The following DEPDC1B variants were observed in gnomAD, a reference collection of about 807,000 sequenced individuals.
The protein encoded by DEPDC1B is DEP domain-containing protein 1B.
A neutral mutation model predicts 66.5 loss-of-function variants in DEPDC1B; 51 were observed. The ratio of observed to expected loss-of-function variants is 0.77; its 90% CI spans 0.61 to 0.97. The LOEUF is 0.97. Among genes scored for constraint, DEPDC1B ranks in the 50% least tolerant of loss-of-function variants. The pLI is 0.00. For synonymous variants in DEPDC1B, 226 were observed against 223.6 expected (o/e 1.01, Z -0.10); for missense variants, 552 against 637.1 (o/e 0.87, Z 1.44).
rs533036033 is a variant in DEPDC1B, at chr5:60,694,269, C to T, written c.48+5777G>A. Reference sequence around the variant, plus strand: ...TGTTATCCTAAAACACGCTTTTGCACCTAACAGATACCTCCCTGCGTCATA... The same window carrying T: ...TGTTATCCTAAAACACGCTTTTGCATCTAACAGATACCTCCCTGCGTCATA... On this transcript the variant is annotated intron_variant, in intron 1 of 10. Coordinates refer to ENST00000265036, the MANE Select transcript of DEPDC1B (RefSeq NM_018369.3). Among the ~76,000 whole-genome samples, 32 of 152,214 alleles carry T rather than the reference C, an allele frequency of 2.1e-4. No homozygotes were observed. The South Asian group carries it at 6.2e-3, about 30-fold the overall frequency.
At chr5:60,644,704 T>C (rs773973011) in intron 5 of DEPDC1B, 41 bp downstream of exon 5, 3 of 1,550,990 alleles carry the variant, frequency 1.9e-6, no homozygotes, top group Non-Finnish European at 2.6e-6. Flanking sequence ...GCAGCCAATA[T>C]ATTATGTCAA....
At chr5:60,649,524 G>A (rs945747225) in intron 2 of DEPDC1B, among the ~76,000 whole-genome samples, 11 of 152,076 alleles carry the variant, frequency 7.2e-5, no homozygotes, top group African/African-American at 1.2e-4. Flanking sequence ...CTTCTATTTC[G>A]GGCATTGAAA....
chr5:60,689,914 T>C (rs957590226), intron 1 of DEPDC1B, among the ~76,000 whole-genome samples: 1 of 152,138 alleles, frequency 6.6e-6, no homozygotes, highest in African/African-American at 2.4e-5. Flanking sequence ...TAGTGGTGTG[T>C]GCCTGTAGCT....
chr5:60,597,935 A>T, intron 10 of DEPDC1B, 21 bp from the exon 11 acceptor site: 1 of 1,549,040 alleles, frequency 6.5e-7, no homozygotes, highest in Non-Finnish European at 8.7e-7. Flanking sequence ...GAATGGTCCA[A>T]GAAGAGTAAA....
chr5:60,608,989 GGTCCT>G (rs1227793247), intron 7 of DEPDC1B, among the ~76,000 whole-genome samples: 42 of 152,124 alleles, frequency 2.8e-4, no homozygotes, highest in Admixed American at 1.6e-3. Context: ...GCATGCTTGT[GGTCCT>G]AGCTACTCAG....
intron 1 of DEPDC1B, 43 bp downstream of exon 1, chr5:60,700,003 G>A (rs773350052): frequency 1.3e-6 from 2 of 1,545,462 alleles, no homozygotes; most frequent in East Asian, 2.4e-5. Context: ...GTGGGGGCTC[G>A]CGGCACCGGG....
intron 2 of DEPDC1B, among the ~76,000 whole-genome samples, chr5:60,673,157 C>T (rs1017743495): frequency 6.6e-6 from 1 of 152,150 alleles, no homozygotes; most frequent in African/African-American, 2.4e-5. Flanking sequence ...CTGACACACA[C>T]CTGTTGATGC....
rs1372038482 is a variant in DEPDC1B at position 60,667,832 on chromosome 5, T to TATATAAAAA, written c.314+19129_314+19130insTTTTTATAT. On this transcript the variant is annotated intron_variant, in intron 2 of 10. Coordinates refer to ENST00000265036, the MANE Select transcript of DEPDC1B (RefSeq NM_018369.3). The stretch of plus-strand genomic sequence containing the variant: ...ATATAAAAAATGGATATTTTACATA[T>TATATAAAAA]ATGTAAAAAATGGATATTTTACATA... 8.0e-4 allele frequency among the ~76,000 whole-genome samples: 96 copies of TATATAAAAA among 120,186 alleles called. 3 individuals are homozygous for TATATAAAAA. The highest frequency in any genetic ancestry group is 1.0e-3 in the Non-Finnish European group (64 of 61,430). 78.8% of individuals were successfully genotyped at this position (120,186 alleles called of 152,430 possible).
chr5:60,616,044 A>G (rs1389171561), intron 7 of DEPDC1B, among the ~76,000 whole-genome samples: 4 of 152,190 alleles, frequency 2.6e-5, no homozygotes, highest in African/African-American at 9.7e-5. Flanking sequence ...TCTGGAGTGG[A>G]CCTCCAGCAA....
chr5:60,603,408 G>T lies in DEPDC1B; in HGVS notation c.1225C>A (p.His409Asn). 1.3e-6 allele frequency: 2 copies of T among 1,581,686 alleles called. No homozygotes were observed. Among genetic ancestry groups the T allele is most frequent in the Non-Finnish European group, 1.7e-6 (2 of 1,169,898 alleles). Reference protein sequence around the residue: ...LQTSIEERVAHLRRVQIKYPG... With the variant: ...LQTSIEERVANLRRVQIKYPG... ...TCCTTTACCTGGACTCTTCGTAGAT[G>T]AGCCACACGCTCCTCTATAGAGGTC... The change falls in exon 9 of 11, where the codon CAT (histidine) becomes AAT (asparagine). Residue 409 changes from histidine (H) to asparagine (N), a missense_variant. Coordinates refer to ENST00000265036, the MANE Select transcript of DEPDC1B (RefSeq NM_018369.3).
intron 4 of DEPDC1B, 99 bp downstream of exon 4, chr5:60,645,393 T>C: frequency 8.3e-7 from 1 of 1,201,288 alleles, no homozygotes. Context: ...TTGAGATTTT[T>C]ATACATAATT....
In DEPDC1B at chr5:60,670,452, C is replaced by T. The variant is rs983818353; in HGVS notation, c.314+16510G>A. Among the ~76,000 whole-genome samples the T allele has an allele frequency of 2.0e-5, 3 of 152,250 alleles. No homozygotes were observed. In the East Asian group the frequency reaches 5.8e-4, roughly 29 times the overall value. ...ACAAAAAAAATGCTGAGAGATTAAG[C>T]ACCTAAATATATGATTTCACTCAAA... On this transcript the variant is annotated intron_variant, in intron 2 of 10. Coordinates refer to ENST00000265036, the MANE Select transcript of DEPDC1B (RefSeq NM_018369.3).
chr5:60,612,093 C>T (rs1431609228), intron 7 of DEPDC1B, among the ~76,000 whole-genome samples: 4 of 152,030 alleles, frequency 2.6e-5, no homozygotes, highest in Non-Finnish European at 2.9e-5. Context: ...ACCAGTGCTC[C>T]TTTACCATTC....
intron 7 of DEPDC1B, among the ~76,000 whole-genome samples, chr5:60,613,068 C>T (rs574822644): frequency 3.2e-4 from 48 of 152,258 alleles, no homozygotes; most frequent in African/African-American, 8.2e-4. Context: ...ATATTCATTG[C>T]GAGATTTCAA....
chr5:60,689,269 T>A (rs1413026236), intron 1 of DEPDC1B, among the ~76,000 whole-genome samples: 1 of 152,260 alleles, frequency 6.6e-6, no homozygotes, highest in Non-Finnish European at 1.5e-5. Context: ...TACTTTCAAA[T>A]AACTTCATGA....
intron 1 of DEPDC1B, among the ~76,000 whole-genome samples, chr5:60,698,080 C>A (rs1754695984): frequency 6.6e-6 from 1 of 151,990 alleles, no homozygotes; most frequent in African/African-American, 2.4e-5. Flanking sequence ...CGTCAAGAAC[C>A]ACAGCCTTGC....
intron 7 of DEPDC1B, among the ~76,000 whole-genome samples, chr5:60,622,075 T>C (rs1323191396): frequency 6.6e-6 from 1 of 152,142 alleles, no homozygotes; most frequent in African/African-American, 2.4e-5. Flanking sequence ...TTTTGTTCAA[T>C]TTTGATTTAT....
At chr5:60,692,942 C>T (rs560802015) in intron 1 of DEPDC1B, among the ~76,000 whole-genome samples, 21 of 151,988 alleles carry the variant, frequency 1.4e-4, no homozygotes, top group African/African-American at 4.1e-4. Flanking sequence ...GCAGGCCAAA[C>T]GATCCATGAT....
chr5:60,614,282 T>C (rs1169628715), intron 7 of DEPDC1B, among the ~76,000 whole-genome samples: 3 of 152,238 alleles, frequency 2.0e-5, no homozygotes, highest in Non-Finnish European at 4.4e-5. Context: ...AAAATCACTT[T>C]AATTTCTGTG....
Sources: allele counts gnomAD v4.1 joint callset (sites outside exome capture counted in the v4.1 genomes callset), GRCh38; gene constraint gnomAD v4.1.1; transcripts MANE v1.5; gene names NCBI Gene and HGNC (gene_info 2026-07-23, HGNC 2026-07-21).